PTPRO: variants seen among roughly 807,000 people sequenced by gnomAD.
PTPRO encodes receptor-type tyrosine-protein phosphatase O.
Under a neutral mutation model 145.2 loss-of-function variants are expected in PTPRO, and 62 were observed. The observed-to-expected ratio is 0.43, with a 90% CI of 0.35 to 0.53. The LOEUF (loss-of-function observed/expected upper bound fraction) is 0.53. Ranked by LOEUF, PTPRO falls within the 20% of genes least tolerant of loss-of-function variation. The pLI, the probability that PTPRO is intolerant of heterozygous loss-of-function variation, is 0.01. For synonymous variants in PTPRO, 565 were observed against 514.7 expected (o/e 1.10, Z -1.32); for missense variants, 1,345 against 1,482.7 (o/e 0.91, Z 1.53).
chr12:15,522,986 G>A (rs983899495), intron 10 of PTPRO, among the ~76,000 whole-genome samples: 4 of 152,162 alleles, frequency 2.6e-5, no homozygotes, highest in Non-Finnish European at 5.9e-5. Flanking sequence ...TATATTAGGA[G>A]GCTATAAGGA....
chr12:15,564,901 C>G (rs1943859016), intron 17 of PTPRO, among the ~76,000 whole-genome samples: 1 of 152,150 alleles, frequency 6.6e-6, no homozygotes, highest in African/African-American at 2.4e-5. Context: ...AGTTATCTTA[C>G]TTGGTTGGGT....
chr12:15,518,804 C>T (rs377293149), intron 9 of PTPRO, among the ~76,000 whole-genome samples: 52 of 152,304 alleles, frequency 3.4e-4, no homozygotes, highest in African/African-American at 9.4e-4. Context: ...CATCTGAGAC[C>T]ACCTCAGCCT....
chr12:15,580,690 C>T lies in PTPRO; in HGVS notation c.2998-7C>T, dbSNP rs369606453. ...GTTAGGTGATAATTTTGTCACTTAT[C>T]TTTCAGGGATACAACTCACCCCAGG... On this transcript the variant is annotated splice_polypyrimidine_tract_variant and splice_region_variant and intron_variant, in intron 21 of 26. Coordinates refer to ENST00000281171, the MANE Select transcript of PTPRO (RefSeq NM_030667.3). 3 of 1,614,062 alleles carry T rather than the reference C, an allele frequency of 1.9e-6. No homozygotes were observed. The highest frequency in any genetic ancestry group is 2.5e-6 in the Non-Finnish European group (3 of 1,179,950).
chr12:15,534,851 T>TA (rs1943036171), intron 12 of PTPRO, among the ~76,000 whole-genome samples: 1 of 152,226 alleles, frequency 6.6e-6, no homozygotes, highest in South Asian at 2.1e-4. Context: ...GTAGGGGAAC[T>TA]AATTAAGGGG....
chr12:15,531,637 C>T (rs1462000672), intron 12 of PTPRO, among the ~76,000 whole-genome samples: 1 of 152,088 alleles, frequency 6.6e-6, no homozygotes, highest in African/African-American at 2.4e-5. Context: ...AAATCTGCCA[C>T]AGACAATGGA....
In PTPRO at chr12:15,551,660, G is replaced by A. The variant is rs767998618; in HGVS notation, c.2547G>A (p.Leu849=). 6.2e-7 allele frequency: 1 copy of A among 1,613,444 alleles called. No individual in the cohort carries two copies. The highest frequency in any genetic ancestry group is 1.1e-5 in the South Asian group (1 of 91,072). The change falls in exon 15 of 27, where the codon CTG becomes CTA. Residue 849 remains leucine, a synonymous_variant. Coordinates refer to ENST00000281171, the MANE Select transcript of PTPRO (RefSeq NM_030667.3). The part of the protein sequence containing the change: ...VTLIILRKKH[L]QMARECGAGT... ...TCATTATTCTTAGGAAAAAGCATCTGCAGATGGCTAGGTAAGTTAAGTTTT... is the reference window on the plus strand; with the variant it reads ...TCATTATTCTTAGGAAAAAGCATCTACAGATGGCTAGGTAAGTTAAGTTTT...
chr12:15,466,735 G>A (rs986014442), intron 1 of PTPRO, among the ~76,000 whole-genome samples: 4 of 152,012 alleles, frequency 2.6e-5, no homozygotes, highest in African/African-American at 9.7e-5. Context: ...GTCTGTATAC[G>A]ATGCAACCAA....
intron 12 of PTPRO, among the ~76,000 whole-genome samples, chr12:15,545,512 G>T (rs1355113223): frequency 1.3e-5 from 2 of 151,048 alleles, no homozygotes; most frequent in Non-Finnish European, 2.9e-5. Flanking sequence ...CAGGAATGGA[G>T]AATGAGACAG....
chr12:15,523,104 T>C (rs1335218782), intron 10 of PTPRO, among the ~76,000 whole-genome samples: 1 of 152,256 alleles, frequency 6.6e-6, no homozygotes, highest in Non-Finnish European at 1.5e-5. Flanking sequence ...AAGCATACTA[T>C]ATAAGTGCTA....
chr12:15,573,519 A>G (rs1238909303), intron 19 of PTPRO, among the ~76,000 whole-genome samples: 1 of 152,204 alleles, frequency 6.6e-6, no homozygotes, highest in Non-Finnish European at 1.5e-5. Context: ...CTCTCTTCAT[A>G]CATTTCTATT....
At chr12:15,473,405 C>T (rs1565650527) in intron 1 of PTPRO, among the ~76,000 whole-genome samples, 1 of 152,156 alleles carries the variant, frequency 6.6e-6, no homozygotes, top group Non-Finnish European at 1.5e-5. Flanking sequence ...GTGAACAAAA[C>T]ATCCGGTGAA....
chr12:15,544,974 A>G (rs776437911), intron 12 of PTPRO, among the ~76,000 whole-genome samples: 50 of 152,178 alleles, frequency 3.3e-4, no homozygotes, highest in Non-Finnish European at 5.6e-4. Flanking sequence ...AACCTTGTCA[A>G]GTTGCTGCAG....
At chr12:15,391,305 G>A (rs1939184305) in intron 1 of PTPRO, among the ~76,000 whole-genome samples, 1 of 152,228 alleles carries the variant, frequency 6.6e-6, no homozygotes, top group African/African-American at 2.4e-5. Flanking sequence ...ACAAATTCCA[G>A]TCTTCACTAT....
intron 7 of PTPRO, among the ~76,000 whole-genome samples, chr12:15,512,692 C>G (rs1379341238): frequency 6.6e-6 from 1 of 152,118 alleles, no homozygotes; most frequent in East Asian, 1.9e-4. Flanking sequence ...TAGTTTGTCT[C>G]TTTAGAAAAT....
At chr12:15,462,170 G>A (rs193138837) in intron 1 of PTPRO, among the ~76,000 whole-genome samples, 1 of 152,152 alleles carries the variant, frequency 6.6e-6, no homozygotes, top group Non-Finnish European at 1.5e-5. Context: ...TGTTGCCCAG[G>A]CTGGAATGCA....
intron 13 of PTPRO, 101 bp from the exon 14 acceptor site, chr12:15,548,993 T>G: frequency 7.6e-7 from 1 of 1,315,018 alleles, no homozygotes; most frequent in South Asian, 1.2e-5. Context: ...TCTTATACAT[T>G]TTTTACTCTG....
intron 2 of PTPRO, among the ~76,000 whole-genome samples, chr12:15,495,120 T>A (rs1480981437): frequency 6.6e-6 from 1 of 152,028 alleles, no homozygotes; most frequent in African/African-American, 2.4e-5. Flanking sequence ...TACCTTCATG[T>A]AGGAAGACTA....
At chr12:15,489,229 A>G (rs1389822757) in intron 2 of PTPRO, among the ~76,000 whole-genome samples, 1 of 152,174 alleles carries the variant, frequency 6.6e-6, no homozygotes, top group African/African-American at 2.4e-5. Flanking sequence ...GTAACCAGAA[A>G]GGGGTCACAA....
At chr12:15,500,058 CATGGATGGATGGATAGATGGATGGGTGG>C (rs1220391704) in intron 4 of PTPRO, among the ~76,000 whole-genome samples, 7 of 144,820 alleles carry the variant, frequency 4.8e-5, no homozygotes, top group Non-Finnish European at 4.5e-5. Context: ...TGGATAGTTG[CATGGATGGATGGATAGATGGATGGGTGG>C]ATGGATGGAT....
Sources: allele counts gnomAD v4.1 joint callset (sites outside exome capture counted in the v4.1 genomes callset), GRCh38; gene constraint gnomAD v4.1.1; transcripts MANE v1.5; gene names NCBI Gene and HGNC (gene_info 2026-07-23, HGNC 2026-07-21).